STX18: variants seen among roughly 807,000 people sequenced by gnomAD.
STX18 encodes syntaxin 18.
Under a neutral mutation model 50.1 loss-of-function variants are expected in STX18, and 40 were observed. That is an observed-to-expected ratio of 0.80 (90% CI 0.62 to 1.04). The LOEUF (loss-of-function observed/expected upper bound fraction) is 1.04. Ranked by LOEUF, STX18 falls within the 50% of genes least tolerant of loss-of-function variation. The pLI is 0.00. For missense variants in STX18, 410 were observed against 415.8 expected (o/e 0.99, Z 0.12); for synonymous variants, 158 against 151.8 (o/e 1.04, Z -0.30).
chr4:4,501,283 C>T (rs1729445801), intron 1 of STX18, among the ~76,000 whole-genome samples: 1 of 152,136 alleles, frequency 6.6e-6, no homozygotes, highest in Non-Finnish European at 1.5e-5. Flanking sequence ...AATATAGCCA[C>T]ATTTTTGCGA....
At chr4:4,475,911 A>C (rs542890318) in intron 1 of STX18, among the ~76,000 whole-genome samples, 1 of 152,160 alleles carries the variant, frequency 6.6e-6, no homozygotes, top group Non-Finnish European at 1.5e-5. Flanking sequence ...ATAAGCCACC[A>C]TATCCGGCCT....
intron 7 of STX18, among the ~76,000 whole-genome samples, chr4:4,427,177 G>A (rs943959157): frequency 5.3e-5 from 8 of 152,072 alleles, no homozygotes; most frequent in African/African-American, 1.7e-4. Context: ...TCTCGGCCCC[G>A]GCTACTCAAA....
chr4:4,440,487 A>G (rs768938544), intron 5 of STX18, among the ~76,000 whole-genome samples: 8 of 152,204 alleles, frequency 5.3e-5, no homozygotes, highest in Non-Finnish European at 8.8e-5. Context: ...GCTCGTAACA[A>G]CTGCTCCATG....
In STX18 at chr4:4,420,638, C is replaced by T; in HGVS notation, c.912+226G>A. The T allele has an allele frequency of 5.4e-6, 3 of 556,968 alleles. No homozygotes were observed. The South Asian group carries it at 6.8e-5, about 13-fold the overall frequency. 34.5% of individuals were successfully genotyped at this position (556,968 alleles called of 1,614,324 possible). On this transcript the variant is annotated intron_variant, in intron 10 of 10. Transcript: ENST00000306200. The surrounding 1 kb of genome is among the most constrained non-coding windows in gnomAD (Gnocchi z 4.3). ...GAGTACCCCCACCCACCCTGGATTG[C>T]TCCTTTGGAGGCTGGTGAGCCACTG...
chr4:4,526,795 T>C (rs1365446458), intron 1 of STX18, among the ~76,000 whole-genome samples: 1 of 151,764 alleles, frequency 6.6e-6, no homozygotes, highest in African/African-American at 2.4e-5. Context: ...ATAGTGAGAC[T>C]CTATCTCCAA....
chr4:4,457,724 T>C (rs1386696005), intron 3 of STX18, among the ~76,000 whole-genome samples: 4 of 152,244 alleles, frequency 2.6e-5, no homozygotes, highest in Non-Finnish European at 5.9e-5. Flanking sequence ...AAATAATTTA[T>C]GGTTTATCAG....
At chr4:4,534,750 A>G (rs949142700) in intron 1 of STX18, among the ~76,000 whole-genome samples, 1 of 152,264 alleles carries the variant, frequency 6.6e-6, no homozygotes, top group African/African-American at 2.4e-5. Flanking sequence ...TTTTTCTCTA[A>G]AGGGTCATAC....
chr4:4,533,370 T>G (rs1731187750), intron 1 of STX18, among the ~76,000 whole-genome samples: 1 of 152,180 alleles, frequency 6.6e-6, no homozygotes, highest in African/African-American at 2.4e-5. Flanking sequence ...ACATCAAGTT[T>G]ACATGAATTC....
At position 4,419,874 on chromosome 4, in the gene STX18, T is replaced by C. The variant is rs774955852; in HGVS notation, c.*160A>G. Reference sequence around the variant, plus strand: ...GGCTGAACACCATCGGCCTGGGGTATCCCTTTTTGGGGAATACGTCTGTCT... The same window carrying C: ...GGCTGAACACCATCGGCCTGGGGTACCCCTTTTTGGGGAATACGTCTGTCT... On this transcript the variant is annotated 3_prime_UTR_variant, in exon 11 of 11. Coordinates refer to ENST00000306200, the MANE Select transcript of STX18 (RefSeq NM_016930.4). The C allele has an allele frequency of 9.4e-6, 6 of 640,968 alleles. No individual in the cohort carries two copies. The highest frequency in any genetic ancestry group is 1.3e-5 in the Non-Finnish European group (5 of 371,348). The allele number at this position is 640,968 out of a possible 1,614,324, so 39.7% of individuals were successfully genotyped here. A position where few individuals can be genotyped will look rare whatever the true frequency, so the allele number is the denominator to read the frequency against.
intron 1 of STX18, among the ~76,000 whole-genome samples, chr4:4,537,474 A>T (rs1731396625): frequency 6.6e-6 from 1 of 152,156 alleles, no homozygotes; most frequent in African/African-American, 2.4e-5. Flanking sequence ...TTAAAGAAAC[A>T]TTCCTCTGGC....
At chr4:4,496,788 T>C (rs1001741121) in intron 1 of STX18, among the ~76,000 whole-genome samples, 2 of 152,158 alleles carry the variant, frequency 1.3e-5, no homozygotes, top group African/African-American at 2.4e-5. Flanking sequence ...TGTTACACTA[T>C]GGTGTCATGC....
chr4:4,513,056 G>T (rs1344876831), intron 1 of STX18, among the ~76,000 whole-genome samples: 1 of 152,012 alleles, frequency 6.6e-6, no homozygotes, highest in Admixed American at 6.6e-5. Context: ...GGACATAAGG[G>T]TATTCAATTT....
chr4:4,452,141 C>CCCT (rs149765224), intron 5 of STX18, among the ~76,000 whole-genome samples: 3,705 of 152,278 alleles, frequency 0.024, 141 homozygotes, highest in African/African-American at 0.084. Flanking sequence ...CAGCGCAAGG[C>CCCT]CCTAACTCTC....
chr4:4,457,983 T>C (rs1199667182), intron 3 of STX18, among the ~76,000 whole-genome samples: 1 of 152,200 alleles, frequency 6.6e-6, no homozygotes, highest in East Asian at 1.9e-4. Flanking sequence ...CTATGACTCC[T>C]AGCCACAAAG....
At chr4:4,527,865 C>CATATATAT (rs1164396031) in intron 1 of STX18, among the ~76,000 whole-genome samples, 1 of 103,504 alleles carries the variant, frequency 9.7e-6, no homozygotes. Context: ...CACACACACA[C>CATATATAT]ACATATATAT....
intron 7 of STX18, among the ~76,000 whole-genome samples, chr4:4,427,600 C>T (rs1296749186): frequency 6.6e-6 from 1 of 152,240 alleles, no homozygotes; most frequent in Non-Finnish European, 1.5e-5. Flanking sequence ...TTTAAATCCA[C>T]AGTCCCTTTT....
At chr4:4,491,146 C>A (rs1210709362) in intron 1 of STX18, among the ~76,000 whole-genome samples, 3 of 151,202 alleles carry the variant, frequency 2.0e-5, no homozygotes, top group African/African-American at 7.3e-5. Flanking sequence ...AAAGTGTTTT[C>A]TTTCCCTGTT....
chr4:4,517,130 AACAGCTAT>A (rs1730304412), intron 1 of STX18, among the ~76,000 whole-genome samples: 1 of 152,178 alleles, frequency 6.6e-6, no homozygotes, highest in Admixed American at 6.5e-5. Flanking sequence ...TCCTTTGGAA[AACAGCTAT>A]AGAATTCCCA....
intron 1 of STX18, among the ~76,000 whole-genome samples, chr4:4,510,219 A>G (rs1204211345): frequency 6.6e-6 from 1 of 152,238 alleles, no homozygotes; most frequent in Non-Finnish European, 1.5e-5. Context: ...ATACTCTGCT[A>G]GTTTAATTTT....
Sources: gnomAD v4.1 joint callset for allele counts (sites outside exome capture counted in the v4.1 genomes callset) on GRCh38, gnomAD v4.1.1 for gene constraint, Gnocchi (gnomAD v3.1) non-coding constraint, MANE v1.5 for transcripts, NCBI Gene and HGNC (gene_info 2026-07-23, HGNC 2026-07-21) for gene names.